The following SMIM7 variants were observed in gnomAD, a reference collection of about 807,000 sequenced individuals.
The protein encoded by SMIM7 is UPF0608 protein C19orf42.
SMIM7 carries 12 observed loss-of-function variants against 13.3 expected under a neutral mutation model. The observed-to-expected ratio is 0.90, with a 90% CI of 0.58 to 1.46. SMIM7 has a LOEUF of 1.46. SMIM7 is among the 40% of genes most tolerant of loss of function. The pLI is 0.00. For synonymous variants in SMIM7, 36 were observed against 35.8 expected, an observed-to-expected ratio of 1.01 and a Z score of -0.02; for missense variants, 114 against 94.8, an observed-to-expected ratio of 1.20 and a Z score of -0.84.
intron 4 of SMIM7, among the ~76,000 whole-genome samples, chr19:16,648,313 G>A (rs1476701939): frequency 1.3e-5 from 2 of 151,366 alleles, no homozygotes; most frequent in Admixed American, 6.6e-5. Flanking sequence ...GCTAATTTTT[G>A]TACTTCTAGT....
At position 16,656,621 on chromosome 19, in the gene SMIM7, G is replaced by A. The variant is rs141247036; in HGVS notation, c.122-2496C>T. 5.9e-5 allele frequency among the ~76,000 whole-genome samples: 9 copies of A among 152,106 alleles called. No homozygotes were observed. The East Asian group carries it at 1.2e-3, about 20-fold the overall frequency. The stretch of plus-strand genomic sequence containing the variant: ...AGGTAAAAAAAAAGCCTTTCCAGCC[G>A]GGTGCCGTCGCTCAAGTCTGTAATC... On this transcript the variant is annotated intron_variant, in intron 3 of 4. Coordinates refer to ENST00000487416, the MANE Select transcript of SMIM7 (RefSeq NM_024104.4).
downstream of SMIM7, among the ~76,000 whole-genome samples, chr19:16,644,432 G>C (rs913367492): frequency 6.8e-6 from 1 of 147,906 alleles, no homozygotes; most frequent in South Asian, 2.1e-4. Context: ...CAGTCTGTTT[G>C]TAACTTTTTT....
intron 4 of SMIM7, among the ~76,000 whole-genome samples, chr19:16,637,895 T>C (rs2086371818): frequency 6.6e-6 from 1 of 152,200 alleles, no homozygotes; most frequent in Admixed American, 6.5e-5. Context: ...CAACAGGGAC[T>C]GTATTTGGAG....
In SMIM7 at chr19:16,654,024, G is replaced by A; in HGVS notation, c.212+11C>T. The stretch of plus-strand genomic sequence containing the variant: ...AGACGACAGTGAAAGGAAAGGGCAG[G>A]CTGGACTCACACAATCATGCAGAAC... On this transcript the variant is annotated intron_variant, in intron 4 of 4. Transcript: ENST00000487416. 6.2e-7 allele frequency: 1 copy of A among 1,612,260 alleles called. No homozygotes were observed. The highest frequency in any genetic ancestry group is 8.5e-7 in the Non-Finnish European group (1 of 1,178,816).
At chr19:16,653,126 G>A (rs1311840190) in intron 4 of SMIM7, among the ~76,000 whole-genome samples, 1 of 152,230 alleles carries the variant, frequency 6.6e-6, no homozygotes, top group Non-Finnish European at 1.5e-5. Context: ...CAGGGCCATG[G>A]GCTCAGGGAC....
At chr19:16,642,759 G>A (rs1050662693), downstream of SMIM7, among the ~76,000 whole-genome samples, 4 of 151,822 alleles carry the variant, frequency 2.6e-5, no homozygotes, top group Admixed American at 1.3e-4. Context: ...TGGGAGGATC[G>A]TGGCTACAGT....
chr19:16,644,541 C>A (rs1483529636), downstream of SMIM7, among the ~76,000 whole-genome samples: 1 of 150,216 alleles, frequency 6.7e-6, no homozygotes, highest in East Asian at 2.0e-4. Flanking sequence ...GGTTTTTAAG[C>A]AATTCTCTGC....
chr19:16,641,972 T>C (rs979030549), downstream of SMIM7, among the ~76,000 whole-genome samples: 3 of 152,174 alleles, frequency 2.0e-5, no homozygotes, highest in Non-Finnish European at 2.9e-5. Flanking sequence ...CAGATGTACA[T>C]GAAGGGCAAT....
chr19:16,648,390 C>T (rs1469615573), intron 4 of SMIM7, among the ~76,000 whole-genome samples: 2 of 152,154 alleles, frequency 1.3e-5, no homozygotes, highest in Non-Finnish European at 2.9e-5. Flanking sequence ...ATCCAACCGC[C>T]TCAGCCTCCC....
intron 4 of SMIM7, among the ~76,000 whole-genome samples, chr19:16,649,945 C>A (rs1392979204): frequency 6.6e-6 from 1 of 152,040 alleles, no homozygotes; most frequent in Admixed American, 6.6e-5. Flanking sequence ...AGGAAGCCGA[C>A]GAGTGGTTGC....
chr19:16,649,908 G>A (rs1467310325), intron 4 of SMIM7, among the ~76,000 whole-genome samples: 1 of 152,048 alleles, frequency 6.6e-6, no homozygotes, highest in Non-Finnish European at 1.5e-5. Flanking sequence ...TATATAAACT[G>A]TCCACATGAG....
chr19:16,653,010 C>T, intron 4 of SMIM7: 4 of 1,543,544 alleles, frequency 2.6e-6, no homozygotes. Context: ...AGTCTGAATA[C>T]ATTTCTACTG....
At chr19:16,647,312 C>G in intron 4 of SMIM7, 51 bp from the exon 5 acceptor site, 1 of 1,607,928 alleles carries the variant, frequency 6.2e-7, no homozygotes, top group Non-Finnish European at 8.5e-7. Flanking sequence ...GGTGACTGTT[C>G]TAAAAATATT....
chr19:16,642,757 T>C (rs553458784), downstream of SMIM7, among the ~76,000 whole-genome samples: 2 of 151,694 alleles, frequency 1.3e-5, no homozygotes, highest in East Asian at 3.9e-4. Context: ...GGTGGGAGGA[T>C]CGTGGCTACA....
At chr19:16,659,529 A>G (rs2086644368) in intron 2 of SMIM7, 82 bp from the exon 3 acceptor site, 3 of 1,419,046 alleles carry the variant, frequency 2.1e-6, no homozygotes, top group Admixed American at 2.0e-5. Context: ...GAAGGCCACA[A>G]ACACTAAGTT....
At chr19:16,659,919 T>C (rs2086652952) in intron 2 of SMIM7, 40 bp downstream of exon 2, 1 of 1,589,002 alleles carries the variant, frequency 6.3e-7, no homozygotes, top group Non-Finnish European at 8.6e-7. Context: ...GGGCTACGGG[T>C]TCCCCGGATG....
At chr19:16,649,832 C>T (rs988908141) in intron 4 of SMIM7, among the ~76,000 whole-genome samples, 1 of 152,088 alleles carries the variant, frequency 6.6e-6, no homozygotes, top group Non-Finnish European at 1.5e-5. Context: ...CGTGGATGAA[C>T]CTCAAAAACA....
chr19:16,656,498 C>G (rs865991109), intron 3 of SMIM7, among the ~76,000 whole-genome samples: 10 of 152,090 alleles, frequency 6.6e-5, no homozygotes, highest in African/African-American at 2.4e-4. Context: ...AAATACTAAA[C>G]AAATATTCAC....
downstream of SMIM7, chr19:16,645,623 C>T (rs1019568457): frequency 4.0e-5 from 6 of 151,292 alleles, no homozygotes; most frequent in African/African-American, 1.5e-4. Context: ...TCAATACTTT[C>T]AGGAGCAGCT....
Sources: allele counts gnomAD v4.1 joint callset (sites outside exome capture counted in the v4.1 genomes callset), GRCh38; gene constraint gnomAD v4.1.1; transcripts MANE v1.5; gene names NCBI Gene and HGNC (gene_info 2026-07-23, HGNC 2026-07-21).